Variants in TFDP2 observed in about 807,000 individuals in gnomAD.
TFDP2 encodes transcription factor Dp-2 (E2F dimerization partner 2).
In TFDP2, 17 loss-of-function variants were observed where a neutral mutation model predicts 59.3. The observed-to-expected ratio is 0.29, with a 90% confidence interval of 0.20 to 0.43. The LOEUF (loss-of-function observed/expected upper bound fraction) is 0.43. Ranked by LOEUF, TFDP2 falls within the 20% of genes least tolerant of loss-of-function variation. TFDP2 has a pLI of 1.00. For synonymous variants in TFDP2, 180 were observed against 194.7 expected (o/e 0.92, Z 0.63); for missense variants, 391 against 528.8 (o/e 0.74, Z 2.56).
intron 1 of TFDP2, among the ~76,000 whole-genome samples, chr3:142,140,586 T>C (rs2062911148): frequency 6.6e-6 from 1 of 152,232 alleles, no homozygotes; most frequent in African/African-American, 2.4e-5. Flanking sequence ...TGCTATTCCT[T>C]TCTGTTTGTT....
At chr3:142,065,502 G>C (rs1348989031) in intron 3 of TFDP2, among the ~76,000 whole-genome samples, 1 of 150,206 alleles carries the variant, frequency 6.7e-6, no homozygotes, top group Non-Finnish European at 1.5e-5. Context: ...GTGTGTGTGT[G>C]TGTGTGGGTG....
Position 141,952,907 on chromosome 3 carries a change from G to A in TFDP2, c.1157+4C>T, listed in dbSNP as rs753739288. The A allele has an allele frequency of 3.7e-6, 6 of 1,612,802 alleles. 1 individual carries two copies. In the East Asian group the frequency reaches 6.7e-5, roughly 18 times the overall value. On this transcript the variant is annotated splice_donor_region_variant and intron_variant, in intron 12 of 12. Coordinates refer to ENST00000489671, the MANE Select transcript of TFDP2 (RefSeq NM_001178139.2). ...GCCTTTCTAACCCTGAAAAAAATACGTACCTTGACTGGGGTAAGGTGGCAC... is the reference window on the plus strand; with the variant it reads ...GCCTTTCTAACCCTGAAAAAAATACATACCTTGACTGGGGTAAGGTGGCAC...
intron 3 of TFDP2, among the ~76,000 whole-genome samples, chr3:142,055,263 T>C (rs957636514): frequency 2.0e-5 from 3 of 152,012 alleles, no homozygotes; most frequent in Non-Finnish European, 4.4e-5. Context: ...CAGTAAGAGA[T>C]AAAACATAGG....
chr3:141,987,521 G>A (rs1409604744), intron 6 of TFDP2, among the ~76,000 whole-genome samples: 3 of 146,812 alleles, frequency 2.0e-5, no homozygotes, highest in Non-Finnish European at 3.0e-5. Flanking sequence ...GAGCTCAGGC[G>A]ATCCACCCAA....
chr3:141,972,413 C>T (rs1939905872), intron 8 of TFDP2, among the ~76,000 whole-genome samples: 2 of 152,192 alleles, frequency 1.3e-5, no homozygotes, highest in South Asian at 2.1e-4. Context: ...CCTATCAACC[C>T]TTCTCTTTGT....
intron 6 of TFDP2, among the ~76,000 whole-genome samples, chr3:141,986,540 C>T (rs1354622728): frequency 6.6e-6 from 1 of 152,160 alleles, no homozygotes; most frequent in South Asian, 2.1e-4. Flanking sequence ...GAATACATTG[C>T]AATTCATTCA....
chr3:142,031,186 A>G (rs1298709160), intron 3 of TFDP2, among the ~76,000 whole-genome samples: 1 of 152,244 alleles, frequency 6.6e-6, no homozygotes, highest in Non-Finnish European at 1.5e-5. Context: ...GAAAGATGTG[A>G]TAACTGAGGT....
At chr3:142,084,519 A>G (rs1313039855) in intron 3 of TFDP2, among the ~76,000 whole-genome samples, 2 of 152,210 alleles carry the variant, frequency 1.3e-5, no homozygotes, top group African/African-American at 4.8e-5. Context: ...AGACATCTGT[A>G]TTTCCATGTT....
intron 6 of TFDP2, among the ~76,000 whole-genome samples, chr3:141,978,965 G>A (rs1941117836): frequency 1.3e-5 from 2 of 152,142 alleles, no homozygotes; most frequent in South Asian, 4.1e-4. Flanking sequence ...TTGACACTGA[G>A]AATAAGTCAG....
Position 141,952,672 on chromosome 3 carries a change from A to T in TFDP2, c.1182T>A (p.Asp394Glu). The part of the protein sequence containing the change: ...QSSVNQGLCL[D>E]AEVALATGQF... ...GCCCAGTTGCTAAGGCCACTTCTGC[A>T]TCCAAGCATAACCCTTGGTTTACAC... The change falls in exon 13 of 13, where the codon GAT (aspartate) becomes GAA (glutamate). Residue 394 changes from aspartate to glutamate, a missense_variant. Asp to Glu is a conservative substitution (Grantham distance 45). Around this residue, in one of 3 missense-constraint regions of TFDP2, gnomAD observed 223 missense variants for 292.5 expected, o/e 0.76. Transcript: ENST00000489671. The T allele has an allele frequency of 6.2e-7, 1 of 1,609,990 alleles. No individual in the cohort carries two copies. Among genetic ancestry groups the T allele is most frequent in the Non-Finnish European group, 8.5e-7 (1 of 1,179,018 alleles).
chr3:141,968,905 T>C (rs1576500328), intron 9 of TFDP2, among the ~76,000 whole-genome samples: 1 of 72,428 alleles, frequency 1.4e-5, no homozygotes, highest in African/African-American at 5.3e-5. Context: ...ATATATCTCA[T>C]ATATATAGAT....
chr3:142,055,304 G>T (rs2059703668), intron 3 of TFDP2, among the ~76,000 whole-genome samples: 1 of 151,986 alleles, frequency 6.6e-6, no homozygotes, highest in Non-Finnish European at 1.5e-5. Context: ...ACTTGGATGA[G>T]AATCTACAAT....
chr3:141,990,612 T>C (rs1228414189), intron 6 of TFDP2, among the ~76,000 whole-genome samples: 1 of 152,210 alleles, frequency 6.6e-6, no homozygotes, highest in Non-Finnish European at 1.5e-5. Context: ...CTGGTTTCTT[T>C]GTTTGGTTTA....
chr3:142,138,574 G>A (rs917323907), intron 1 of TFDP2, among the ~76,000 whole-genome samples: 8 of 152,116 alleles, frequency 5.3e-5, no homozygotes, highest in African/African-American at 1.9e-4. Context: ...TTGTGTCTTT[G>A]TTCTCATTGG....
chr3:142,101,719 AT>A lies in TFDP2; in HGVS notation c.15+15del. 7.4e-7 allele frequency: 1 copy of A among 1,353,282 alleles called. No homozygotes were observed. The highest frequency in any genetic ancestry group is 9.8e-7 in the Non-Finnish European group (1 of 1,015,962). The allele number at this position is 1,353,282 out of a possible 1,614,324, so 83.8% of individuals were successfully genotyped here. A position where few individuals can be genotyped will look rare whatever the true frequency, so the allele number is the denominator to read the frequency against. ...CTTTAAACAATACTTACATTAAAAAATTTACAAATACTTACATTTTTTGCCG... is the reference window on the plus strand; with the variant it reads ...CTTTAAACAATACTTACATTAAAAAATTACAAATACTTACATTTTTTGCCG... On this transcript the variant is annotated intron_variant, in intron 2 of 12. Coordinates refer to ENST00000489671, the MANE Select transcript of TFDP2 (RefSeq NM_001178139.2).
chr3:142,080,564 A>C (rs2060604324), intron 3 of TFDP2, among the ~76,000 whole-genome samples: 1 of 152,202 alleles, frequency 6.6e-6, no homozygotes, highest in South Asian at 2.1e-4. Flanking sequence ...GGCTGAATGG[A>C]TAAAAAACAA....
At chr3:141,965,098 T>C (rs1937755649) in intron 9 of TFDP2, among the ~76,000 whole-genome samples, 1 of 152,118 alleles carries the variant, frequency 6.6e-6, no homozygotes, top group Non-Finnish European at 1.5e-5. Flanking sequence ...CTTTTTTTAA[T>C]AAGGTAAATG....
intron 1 of TFDP2, among the ~76,000 whole-genome samples, chr3:142,133,816 T>G (rs1046298338): frequency 1.4e-4 from 22 of 151,876 alleles, no homozygotes; most frequent in Admixed American, 2.6e-4. Context: ...GTTCTGGTTT[T>G]GTTTTGTTTT....
At chr3:142,114,145 A>C (rs964258114) in intron 1 of TFDP2, among the ~76,000 whole-genome samples, 1 of 152,060 alleles carries the variant, frequency 6.6e-6, no homozygotes, top group Non-Finnish European at 1.5e-5. Flanking sequence ...AGCCCGGGCG[A>C]CAAAGCGAGA....
Sources: allele counts gnomAD v4.1 joint callset (sites outside exome capture counted in the v4.1 genomes callset), GRCh38; gene constraint gnomAD v4.1.1; regional missense constraint gnomAD v4.1.1; transcripts MANE v1.5; gene names NCBI Gene and HGNC (gene_info 2026-07-23, HGNC 2026-07-21).